The following PTPN13 variants were observed in gnomAD, a reference collection of about 807,000 sequenced individuals.
PTPN13 encodes the protein protein tyrosine phosphatase non-receptor type 13.
In PTPN13, 191 loss-of-function variants were observed where a neutral mutation model predicts 284.0. The ratio of observed to expected loss-of-function variants is 0.67; its 90% CI spans 0.60 to 0.76. The LOEUF (loss-of-function observed/expected upper bound fraction) is 0.76, where lower values mean the gene tolerates loss of function less well. PTPN13 is among the 30% of genes least tolerant of loss of function. The pLI, the probability that PTPN13 is intolerant of heterozygous loss-of-function variation, is 0.00. For synonymous variants in PTPN13, 986 were observed against 1,022.3 expected (o/e 0.96, Z 0.68); for missense variants, 2,797 against 2,939.9 (o/e 0.95, Z 1.12).
chr4:86,735,636 G>A lies in PTPN13; in HGVS notation c.2194G>A (p.Ala732Thr), dbSNP rs200458008. The A allele has an allele frequency of 3.5e-4, 566 of 1,613,286 alleles. 1 individual carries two copies. The highest frequency in any genetic ancestry group is 6.6e-4 in the Middle Eastern group (4 of 6,080). The change falls in exon 15 of 48, where the codon GCC becomes ACC. Residue 732 changes from alanine (A) to threonine (T), a missense_variant. Transcript: ENST00000411767. Reference protein sequence around the residue: ...SYFRMEHYLPARVMEKLDLSY... With the variant: ...SYFRMEHYLPTRVMEKLDLSY... ...CTTTAGAATGGAGCACTATTTGCCCGCCAGAGTGATGGAGAAACTTGATTT... is the reference window on the plus strand; with the variant it reads ...CTTTAGAATGGAGCACTATTTGCCCACCAGAGTGATGGAGAAACTTGATTT...
chr4:86,769,256 C>T (rs555049611), intron 28 of PTPN13, among the ~76,000 whole-genome samples: 36 of 152,270 alleles, frequency 2.4e-4, no homozygotes, highest in South Asian at 8.3e-4. Flanking sequence ...ATCTTTCTCA[C>T]GCTGTATACC....
chr4:86,679,855 C>T (rs559721389), intron 3 of PTPN13, among the ~76,000 whole-genome samples: 2 of 152,154 alleles, frequency 1.3e-5, no homozygotes, highest in Admixed American at 6.5e-5. Context: ...GAGAATGGAT[C>T]GAGAGGTAGA....
At chr4:86,771,779 GA>G (rs982928987) in intron 31 of PTPN13, among the ~76,000 whole-genome samples, 14 of 152,168 alleles carry the variant, frequency 9.2e-5, no homozygotes, top group African/African-American at 2.7e-4. Context: ...TAGTAACTGA[GA>G]AAGTTATTTG....
At chr4:86,786,058 A>T (rs1384038558) in intron 40 of PTPN13, 122 bp downstream of exon 40, 3 of 468,514 alleles carry the variant, frequency 6.4e-6, no homozygotes. Context: ...TTAGGAGGAA[A>T]ACGGAGATTA....
rs192106524 is a variant in PTPN13 at position 86,654,223 on chromosome 4, A to G, written c.116-18142A>G. On this transcript the variant is annotated intron_variant, in intron 2 of 47. Transcript: ENST00000411767. Reference sequence around the variant, plus strand: ...ACAAAAAAACCCTTCAAAAAAATCAATGAATCCAGGAGCTGGTTTTTTGAA... The same window carrying G: ...ACAAAAAAACCCTTCAAAAAAATCAGTGAATCCAGGAGCTGGTTTTTTGAA... Among the ~76,000 whole-genome samples, 425 of 152,358 alleles carry G rather than the reference A, an allele frequency of 2.8e-3. 3 individuals carry two copies. The highest frequency in any genetic ancestry group is 9.5e-3 in the African/African-American group (396 of 41,576).
chr4:86,617,970 T>A (rs1484982663), intron 1 of PTPN13, among the ~76,000 whole-genome samples: 1 of 152,128 alleles, frequency 6.6e-6, no homozygotes, highest in Non-Finnish European at 1.5e-5. Context: ...TTGCCATTGC[T>A]TTTGGTGTTT....
intron 1 of PTPN13, among the ~76,000 whole-genome samples, chr4:86,619,222 A>T (rs1374958662): frequency 6.6e-6 from 1 of 152,228 alleles, no homozygotes; most frequent in Non-Finnish European, 1.5e-5. Flanking sequence ...TAGGTATATT[A>T]ATCAGGAGTA....
chr4:86,695,414 T>C (rs926176201), intron 6 of PTPN13, among the ~76,000 whole-genome samples: 1 of 152,026 alleles, frequency 6.6e-6, no homozygotes, highest in African/African-American at 2.4e-5. Flanking sequence ...TATTCTAGGA[T>C]TTGAGATAGT....
At chr4:86,734,201 A>T (rs1300685727) in intron 12 of PTPN13, 102 bp from the exon 13 acceptor site, 1 of 918,840 alleles carries the variant, frequency 1.1e-6, no homozygotes. Context: ...ATATTCTCAT[A>T]TGATACTCTT....
chr4:86,657,054 G>A (rs900608512), intron 2 of PTPN13, among the ~76,000 whole-genome samples: 3 of 152,300 alleles, frequency 2.0e-5, no homozygotes, highest in East Asian at 1.9e-4. Flanking sequence ...TTGGTGTGCC[G>A]TTTGCTAAGA....
At chr4:86,690,906 C>G (rs983217874) in intron 5 of PTPN13, among the ~76,000 whole-genome samples, 3 of 151,802 alleles carry the variant, frequency 2.0e-5, no homozygotes, top group Admixed American at 6.6e-5. Context: ...ATAGAAGATA[C>G]AAATTTGAAT....
At chr4:86,772,747 T>C (rs375950552) in intron 31 of PTPN13, 31 bp from the exon 32 acceptor site, 48 of 1,544,248 alleles carry the variant, frequency 3.1e-5, no homozygotes, top group Non-Finnish European at 4.2e-5. Flanking sequence ...GAAATGTATT[T>C]AAAAATAGTC....
intron 7 of PTPN13, among the ~76,000 whole-genome samples, chr4:86,707,119 C>A (rs1161289491): frequency 6.6e-6 from 1 of 152,012 alleles, no homozygotes; most frequent in Non-Finnish European, 1.5e-5. Context: ...TGACTTGGAA[C>A]CAGTACTGTG....
At chr4:86,716,949 G>A in intron 8 of PTPN13, 75 bp from the exon 9 acceptor site, 1 of 976,214 alleles carries the variant, frequency 1.0e-6, no homozygotes, top group Non-Finnish European at 1.6e-6. Context: ...TGTCTGCTAA[G>A]TGTTTGAGTT....
chr4:86,699,734 A>G (rs777881423), intron 6 of PTPN13, among the ~76,000 whole-genome samples: 1 of 152,136 alleles, frequency 6.6e-6, no homozygotes, highest in Non-Finnish European at 1.5e-5. Context: ...GTGGTTTATG[A>G]TCCTTGAATC....
At chr4:86,698,793 G>A (rs1730834012) in intron 6 of PTPN13, among the ~76,000 whole-genome samples, 1 of 152,148 alleles carries the variant, frequency 6.6e-6, no homozygotes, top group Admixed American at 6.5e-5. Flanking sequence ...GCTGATTAAA[G>A]TGGGTACAAT....
At chr4:86,701,827 A>G in intron 7 of PTPN13, 26 bp downstream of exon 7, 3 of 1,544,640 alleles carry the variant, frequency 1.9e-6, no homozygotes, top group Non-Finnish European at 2.6e-6. Context: ...CATGTTTGAG[A>G]AAGAATTGAA....
Position 86,774,416 on chromosome 4 carries a change from G to A in PTPN13, c.5393G>A (p.Ser1798Asn). 6.2e-7 allele frequency: 1 copy of A among 1,606,874 alleles called. No individual in the cohort carries two copies. The highest frequency in any genetic ancestry group is 8.5e-7 in the Non-Finnish European group (1 of 1,176,372). ...LITLIKSEKG[S>N]LGFTVTKGNQ... Reference sequence around the variant, plus strand: ...ACCCTAATTAAATCAGAAAAAGGAAGCCTGGGTTTTACAGTAACCAAAGGC... The same window carrying A: ...ACCCTAATTAAATCAGAAAAAGGAAACCTGGGTTTTACAGTAACCAAAGGC... Residue 1798 changes from serine (S) to asparagine (N), a missense_variant, in exon 33 of 48, where the codon AGC becomes AAC. Ser to Asn is a conservative substitution (Grantham distance 46). Coordinates refer to ENST00000411767, the MANE Select transcript of PTPN13 (RefSeq NM_080683.3).
chr4:86,695,928 T>G (rs1047205991), intron 6 of PTPN13, among the ~76,000 whole-genome samples: 2 of 152,036 alleles, frequency 1.3e-5, no homozygotes, highest in Admixed American at 1.3e-4. Context: ...ATGACTTCCA[T>G]CCTATCTCCC....
Sources: allele counts gnomAD v4.1 joint callset (sites outside exome capture counted in the v4.1 genomes callset), GRCh38; gene constraint gnomAD v4.1.1; transcripts MANE v1.5; gene names NCBI Gene and HGNC (gene_info 2026-07-23, HGNC 2026-07-21).